The following PKHD1 variants were observed in gnomAD, a reference collection of about 807,000 sequenced individuals.
PKHD1 encodes the protein PKHD1 ciliary IPT domain containing fibrocystin/polyductin.
Under a neutral mutation model 412.0 loss-of-function variants are expected in PKHD1, and 291 were observed. That is an observed-to-expected ratio of 0.71 (90% CI 0.64 to 0.78). The LOEUF (loss-of-function observed/expected upper bound fraction) is 0.78, where lower values mean the gene tolerates loss of function less well. Ranked by LOEUF, PKHD1 falls within the 30% of genes least tolerant of loss-of-function variation. The probability of loss-of-function intolerance (pLI) is 0.00; values close to 1 mark genes in which losing one functional copy is unlikely to be tolerated. For synonymous variants in PKHD1, 1,777 were observed against 1,821.5 expected (o/e 0.98, Z 0.62); for missense variants, 4,825 against 4,950.7 (o/e 0.97, Z 0.76).
chr6:52,030,898 C>T (rs1001795486), intron 29 of PKHD1, among the ~76,000 whole-genome samples: 5 of 152,208 alleles, frequency 3.3e-5, no homozygotes, highest in East Asian at 1.9e-4. Context: ...ATTTTGGCTA[C>T]GCTGAAAACA....
At chr6:52,027,361 A>G (rs1424316580) in intron 31 of PKHD1, among the ~76,000 whole-genome samples, 1 of 151,874 alleles carries the variant, frequency 6.6e-6, no homozygotes, top group Non-Finnish European at 1.5e-5. Flanking sequence ...GTGAAACCCC[A>G]TCTCTACTAA....
At chr6:51,793,234 C>G (rs1794041438) in intron 52 of PKHD1, among the ~76,000 whole-genome samples, 1 of 152,080 alleles carries the variant, frequency 6.6e-6, no homozygotes, top group African/African-American at 2.4e-5. Context: ...AGTGAAGTAC[C>G]TAGAGAATGT....
At chr6:51,912,735 T>C (rs1426635100) in intron 37 of PKHD1, among the ~76,000 whole-genome samples, 159 bp from the exon 38 acceptor site, 1 of 152,112 alleles carries the variant, frequency 6.6e-6, no homozygotes, top group Non-Finnish European at 1.5e-5. Context: ...AATTTTTTTA[T>C]ATTAGTTTTG....
chr6:51,746,420 C>A (rs1785202740), intron 59 of PKHD1, among the ~76,000 whole-genome samples: 1 of 152,148 alleles, frequency 6.6e-6, no homozygotes, highest in South Asian at 2.1e-4. Flanking sequence ...ATCAATAAAA[C>A]TTGCACTTCA....
At chr6:51,922,462 A>G (rs536241884) in intron 37 of PKHD1, among the ~76,000 whole-genome samples, 283 of 152,178 alleles carry the variant, frequency 1.9e-3, no homozygotes, top group African/African-American at 6.6e-3. Flanking sequence ...GAGAACCACT[A>G]CTCTCTTCAA....
Position 51,659,523 on chromosome 6 carries a change from A to G in PKHD1, c.10603T>C (p.Tyr3535His). The change falls in exon 61 of 67, where the codon TAT becomes CAT. Residue 3535 changes from tyrosine (Y) to histidine (H), a missense_variant. Transcript: ENST00000371117. ...AAGAGGTTATCCATGATGTTGAAATAGTTGGCACCAATAGATTCATTCAGC... is the reference window on the plus strand; with the variant it reads ...AAGAGGTTATCCATGATGTTGAAATGGTTGGCACCAATAGATTCATTCAGC... Reference protein sequence around the residue: ...LLLNESIGANYFNIMDNLLYV... With the variant: ...LLLNESIGANHFNIMDNLLYV... 1 of 1,613,704 alleles carries G rather than the reference A, an allele frequency of 6.2e-7. No individual in the cohort carries two copies.
chr6:51,822,920 A>G (rs1440624105), intron 52 of PKHD1, among the ~76,000 whole-genome samples: 2 of 152,042 alleles, frequency 1.3e-5, no homozygotes, highest in Non-Finnish European at 2.9e-5. Context: ...ATATTTTTCC[A>G]TAGCAGCCAT....
rs557368474 is a variant in PKHD1, at chr6:51,861,321, GT to G, written c.7734-5252del. ...AATGAGAGCAGATATTAACTCCCTG[GT>G]TTTTGTTTACCATTAGCTTACTTTT... On this transcript the variant is annotated intron_variant, in intron 48 of 66. Coordinates refer to ENST00000371117, the MANE Select transcript of PKHD1 (RefSeq NM_138694.4). Among the ~76,000 whole-genome samples, 14 of 152,256 alleles carry G rather than the reference GT, an allele frequency of 9.2e-5. No homozygotes were observed. In the South Asian group the frequency reaches 2.5e-3, roughly 27 times the overall value.
chr6:51,833,275 C>G (rs989448157), intron 51 of PKHD1, among the ~76,000 whole-genome samples: 13 of 152,122 alleles, frequency 8.5e-5, no homozygotes, highest in African/African-American at 2.9e-4. Flanking sequence ...TTTACTCTTG[C>G]TTATAAGAGG....
intron 46 of PKHD1, among the ~76,000 whole-genome samples, 176 bp from the exon 47 acceptor site, chr6:51,870,815 TAG>T (rs1775873478): frequency 6.6e-6 from 1 of 151,666 alleles, no homozygotes. Context: ...AAAGAACTCT[TAG>T]GTTTCAACAG....
chr6:51,765,039 G>A (rs1201353400), intron 55 of PKHD1, among the ~76,000 whole-genome samples: 1 of 151,890 alleles, frequency 6.6e-6, no homozygotes, highest in Non-Finnish European at 1.5e-5. Context: ...ATCTACTCTT[G>A]GTGTCTCCAA....
chr6:52,045,371 T>C (rs1383051186), intron 24 of PKHD1, among the ~76,000 whole-genome samples: 4 of 152,230 alleles, frequency 2.6e-5, no homozygotes, highest in Non-Finnish European at 4.4e-5. Context: ...CTCCATGCTT[T>C]TCCATTTTAT....
chr6:51,747,695 A>T, intron 58 of PKHD1, 92 bp downstream of exon 58: 1 of 1,102,132 alleles, frequency 9.1e-7, no homozygotes, highest in Non-Finnish European at 1.4e-6. Context: ...ACCACAATGT[A>T]CCTTTTTGTT....
chr6:51,890,054 CAT>C (rs1202164666), intron 43 of PKHD1, among the ~76,000 whole-genome samples: 1 of 151,716 alleles, frequency 6.6e-6, no homozygotes, highest in Non-Finnish European at 1.5e-5. Flanking sequence ...TAATAACACT[CAT>C]AGTGAAAATC....
At chr6:51,967,905 T>G (rs147149514) in intron 35 of PKHD1, among the ~76,000 whole-genome samples, 2 of 152,316 alleles carry the variant, frequency 1.3e-5, no homozygotes, top group African/African-American at 2.4e-5. Flanking sequence ...AATGGACCCA[T>G]GACGGCACTG....
At chr6:51,993,407 T>C (rs1357697268) in intron 35 of PKHD1, among the ~76,000 whole-genome samples, 1 of 152,254 alleles carries the variant, frequency 6.6e-6, no homozygotes, top group Non-Finnish European at 1.5e-5. Flanking sequence ...CTTGAACTTT[T>C]ACTTTTCTTA....
At chr6:51,744,616 T>C in intron 59 of PKHD1, 74 bp from the exon 60 acceptor site, 10 of 1,080,740 alleles carry the variant, frequency 9.3e-6, no homozygotes, top group Non-Finnish European at 1.4e-5. Flanking sequence ...TTGGTAGTGC[T>C]AATGTTGTTT....
At chr6:51,923,962 A>T (rs185577072) in intron 37 of PKHD1, among the ~76,000 whole-genome samples, 2 of 152,310 alleles carry the variant, frequency 1.3e-5, no homozygotes, top group East Asian at 1.9e-4. Flanking sequence ...CAGTTTCATC[A>T]TCTCTAAAAT....
At chr6:51,951,731 A>G (rs182259154) in intron 36 of PKHD1, among the ~76,000 whole-genome samples, 3 of 152,300 alleles carry the variant, frequency 2.0e-5, no homozygotes, top group Admixed American at 2.0e-4. Flanking sequence ...CTACACAAGA[A>G]TCCCAAATAC....
Sources: gnomAD v4.1 joint callset for allele counts (sites outside exome capture counted in the v4.1 genomes callset) on GRCh38, gnomAD v4.1.1 for gene constraint, MANE v1.5 for transcripts, NCBI Gene and HGNC (gene_info 2026-07-23, HGNC 2026-07-21) for gene names.